Variants in PBX1 observed in about 807,000 individuals in gnomAD.
PBX1 encodes the protein PBX homeobox 1.
Under a neutral mutation model 53.4 loss-of-function variants are expected in PBX1, and 6 were observed. The ratio of observed to expected loss-of-function variants is 0.11; its 90% CI spans 0.06 to 0.22. The LOEUF (loss-of-function observed/expected upper bound fraction) is 0.22. Among genes scored for constraint, PBX1 ranks in the 10% least tolerant of loss-of-function variants. The pLI is 1.00. For synonymous variants in PBX1, 204 were observed against 212.3 expected, an observed-to-expected ratio of 0.96 and a Z score of 0.34; for missense variants, 251 against 551.4, an observed-to-expected ratio of 0.46 and a Z score of 5.46.
intron 8 of PBX1, among the ~76,000 whole-genome samples, chr1:164,845,960 G>A (rs78020572): frequency 0.058 from 8,810 of 152,174 alleles, 279 homozygotes; most frequent in South Asian, 0.11. Flanking sequence ...AAACTTCATA[G>A]CAATGGGACT....
intron 5 of PBX1, among the ~76,000 whole-genome samples, chr1:164,808,812 A>G (rs575385318): frequency 2.6e-5 from 4 of 152,328 alleles, no homozygotes; most frequent in African/African-American, 9.6e-5. Flanking sequence ...TTACAGCAGC[A>G]AATATCCTTG....
At chr1:164,871,684 A>G (rs1462319049) in intron 2 of PBX1, among the ~76,000 whole-genome samples, 2 of 152,066 alleles carry the variant, frequency 1.3e-5, no homozygotes, top group Non-Finnish European at 2.9e-5. Flanking sequence ...TCCCCTGGGA[A>G]CCTGTGGGGA....
chr1:164,688,427 T>C (rs1010134373), intron 2 of PBX1, among the ~76,000 whole-genome samples: 4 of 152,202 alleles, frequency 2.6e-5, no homozygotes, highest in Non-Finnish European at 5.9e-5. Context: ...AATGGAACCA[T>C]ACCTGAAAAA....
rs886811300 is a variant in PBX1, at chr1:164,850,306, A to G, written c.*3630A>G. ...GTGCACATCCATTTCTTGTTTCACA[A>G]TGTTTAAAAGTGACAGTAATTCATT... is the stretch of plus-strand genomic sequence containing the variant. On this transcript the variant is annotated 3_prime_UTR_variant, in exon 9 of 9. Coordinates refer to ENST00000420696, the MANE Select transcript of PBX1 (RefSeq NM_002585.4). The G allele has an allele frequency of 2.0e-4, 43 of 216,296 alleles. No homozygotes were observed. The highest frequency in any genetic ancestry group is 7.4e-4 in the African/African-American group (33 of 44,462). 13.4% of individuals were successfully genotyped at this position (216,296 alleles called of 1,614,324 possible).
intron 2 of PBX1, among the ~76,000 whole-genome samples, chr1:164,611,738 G>T (rs1656948348): frequency 6.6e-6 from 1 of 152,198 alleles, no homozygotes; most frequent in African/African-American, 2.4e-5. Flanking sequence ...GAAGAGTAGA[G>T]AAGAGGGTGA....
At chr1:164,685,425 T>A (rs538921384) in intron 2 of PBX1, among the ~76,000 whole-genome samples, 4 of 152,146 alleles carry the variant, frequency 2.6e-5, no homozygotes, top group Non-Finnish European at 5.9e-5. Flanking sequence ...CTTCAACAAA[T>A]TAGTAACACC....
intron 2 of PBX1, among the ~76,000 whole-genome samples, chr1:164,655,497 A>G (rs555440421): frequency 7.9e-5 from 12 of 152,176 alleles, no homozygotes; most frequent in Middle Eastern, 3.2e-3. Context: ...GAAAAGTCCA[A>G]TGTTGAGTAC....
At chr1:164,704,962 A>G (rs1844295) in intron 2 of PBX1, among the ~76,000 whole-genome samples, 35,268 of 152,120 alleles carry the variant, frequency 0.23, 4,334 homozygotes, top group East Asian at 0.45. Context: ...GTTTTCCCCA[A>G]CTTCTCATTT....
chr1:164,848,049 G>T lies in PBX1; in HGVS notation c.*1373G>T. On this transcript the variant is annotated 3_prime_UTR_variant, in exon 9 of 9. Transcript: ENST00000420696. The stretch of plus-strand genomic sequence containing the variant: ...ACTATGTTCTTGGTCCTGACCTATT[G>T]CTCTGGAGGAAAGAGTTGTATAAGA... 1 of 1,050,214 alleles carries T rather than the reference G, an allele frequency of 9.5e-7. No homozygotes were observed. The allele number at this position is 1,050,214 out of a possible 1,614,324, so 65.1% of individuals were successfully genotyped here.
downstream of PBX1, among the ~76,000 whole-genome samples, chr1:164,855,109 CTAA>C (rs1240588252): frequency 2.0e-5 from 3 of 152,006 alleles, no homozygotes; most frequent in African/African-American, 4.8e-5. Context: ...CCATACCCGG[CTAA>C]TGTTTGTATT....
At chr1:164,750,757 A>G (rs16834368) in intron 2 of PBX1, among the ~76,000 whole-genome samples, 2 of 152,120 alleles carry the variant, frequency 1.3e-5, no homozygotes, top group Non-Finnish European at 2.9e-5. Flanking sequence ...GAACTAGTAC[A>G]TAAGATCTGG....
intron 2 of PBX1, among the ~76,000 whole-genome samples, chr1:164,653,300 G>A (rs952710838): frequency 1.3e-5 from 2 of 150,256 alleles, no homozygotes; most frequent in Admixed American, 6.6e-5. Flanking sequence ...TTATCGAGTG[G>A]TATTCTATTA....
chr1:164,793,933 G>A (rs550407357), intron 3 of PBX1, among the ~76,000 whole-genome samples: 11 of 127,044 alleles, frequency 8.7e-5, no homozygotes, highest in Admixed American at 5.8e-4. Context: ...AGAGTGCACC[G>A]GCACGATCTC....
intron 1 of PBX1, chr1:164,560,245 T>TGA: frequency 4.5e-6 from 2 of 442,464 alleles, no homozygotes; most frequent in Admixed American, 4.1e-5. Flanking sequence ...TGTGTGTGTG[T>TGA]GTGAATATAG....
At chr1:164,709,871 G>A (rs1207986097) in intron 2 of PBX1, among the ~76,000 whole-genome samples, 2 of 152,166 alleles carry the variant, frequency 1.3e-5, no homozygotes, top group Admixed American at 1.3e-4. Context: ...CGGGTCCGGA[G>A]TGCTGTCTGC....
chr1:164,740,030 A>G (rs574751752), intron 2 of PBX1, among the ~76,000 whole-genome samples: 88 of 152,334 alleles, frequency 5.8e-4, no homozygotes, highest in African/African-American at 2.0e-3. Flanking sequence ...ACTTAGGAGT[A>G]GGCAAGATAG....
chr1:164,791,818 T>C (rs1310177427), intron 2 of PBX1, among the ~76,000 whole-genome samples: 1 of 152,062 alleles, frequency 6.6e-6, no homozygotes, highest in Non-Finnish European at 1.5e-5. Context: ...TAAGATAGAA[T>C]TTACCTTTTT....
chr1:164,835,610 T>G (rs1670999549), intron 8 of PBX1, among the ~76,000 whole-genome samples: 1 of 152,232 alleles, frequency 6.6e-6, no homozygotes, highest in South Asian at 2.1e-4. Context: ...GTACATATTC[T>G]GGAAATGTTC....
At chr1:164,871,867 G>GAATTTTT (rs771457169) in intron 2 of PBX1, among the ~76,000 whole-genome samples, 2 of 151,952 alleles carry the variant, frequency 1.3e-5, no homozygotes, top group African/African-American at 4.8e-5. Context: ...CATAGCACAT[G>GAATTTTT]TTTAAACAAA....
Sources: gnomAD v4.1 joint callset for allele counts (sites outside exome capture counted in the v4.1 genomes callset) on GRCh38, gnomAD v4.1.1 for gene constraint, MANE v1.5 for transcripts, NCBI Gene and HGNC (gene_info 2026-07-23, HGNC 2026-07-21) for gene names.